BACH2: variants seen among roughly 807,000 people sequenced by gnomAD.
BACH2 encodes BACH transcriptional regulator 2.
Under a neutral mutation model 61.8 loss-of-function variants are expected in BACH2, and 5 were observed. That is an observed-to-expected ratio of 0.08 (90% CI 0.04 to 0.17). BACH2 has a LOEUF of 0.17. Among genes scored for constraint, BACH2 ranks in the 10% least tolerant of loss-of-function variants. The pLI is 1.00. For synonymous variants in BACH2, 446 were observed against 440.1 expected (o/e 1.01, Z -0.17); for missense variants, 824 against 1,091.1 (o/e 0.76, Z 3.45).
At chr6:90,194,924 T>C (rs1183108079) in intron 4 of BACH2, among the ~76,000 whole-genome samples, 1 of 152,180 alleles carries the variant, frequency 6.6e-6, no homozygotes, top group Non-Finnish European at 1.5e-5. Context: ...AGAGAAAAAC[T>C]GTAGTAAAGA....
intron 6 of BACH2, among the ~76,000 whole-genome samples, chr6:89,989,755 G>A (rs1281549967): frequency 1.3e-5 from 2 of 152,148 alleles, no homozygotes; most frequent in Non-Finnish European, 2.9e-5. Context: ...GCATCTTCCT[G>A]GGGGAGGAGG....
At chr6:90,092,494 C>T (rs1782213154) in intron 4 of BACH2, among the ~76,000 whole-genome samples, 1 of 151,872 alleles carries the variant, frequency 6.6e-6, no homozygotes. Flanking sequence ...TTCCCACTCA[C>T]AGTAGCTTTG....
At chr6:90,067,558 G>C (rs1384899986) in intron 5 of BACH2, among the ~76,000 whole-genome samples, 1 of 152,196 alleles carries the variant, frequency 6.6e-6, no homozygotes, top group Non-Finnish European at 1.5e-5. Context: ...GCAGGAGAGG[G>C]CATGTGAGAG....
rs3798789 is a variant in BACH2 at position 89,932,639 on chromosome 6, G to A, written c.2295C>T (p.Asn765=). The change falls in exon 9 of 9, where the codon AAC becomes AAT. Residue 765 remains asparagine (N), a synonymous_variant. Coordinates refer to ENST00000257749, the MANE Select transcript of BACH2 (RefSeq NM_021813.4). ...CGCCTGGCTCCAAGCAGCAGGGCAC[G>A]TTTTCCCCCACTGCGCATTGGGAGG... ...IAASQCAVGE[N]VPCCLEPGAA... The A allele has an allele frequency of 0.11, 175,880 of 1,613,874 alleles. 10,287 individuals carry two copies. Among genetic ancestry groups the A allele is most frequent in the Middle Eastern group, 0.16 (963 of 6,048 alleles).
At chr6:90,087,500 A>G (rs1781985435) in intron 5 of BACH2, among the ~76,000 whole-genome samples, 1 of 152,204 alleles carries the variant, frequency 6.6e-6, no homozygotes, top group Non-Finnish European at 1.5e-5. Context: ...GTATGCTTAC[A>G]TGTGTCCAAA....
At chr6:90,208,708 T>C (rs1337203734) in intron 3 of BACH2, among the ~76,000 whole-genome samples, 2 of 152,346 alleles carry the variant, frequency 1.3e-5, no homozygotes, top group Non-Finnish European at 2.9e-5. Context: ...ACTGGGTATA[T>C]ACCCAAAGGA....
chr6:89,951,472 C>T lies in BACH2; in HGVS notation c.634G>A (p.Val212Met), dbSNP rs761408916. 9 of 1,614,100 alleles carry T rather than the reference C, an allele frequency of 5.6e-6. No individual in the cohort carries two copies. Among genetic ancestry groups the T allele is most frequent in the East Asian group, 4.5e-5 (2 of 44,896 alleles). ...GAGCTCTCCTTGGTGTCTGTGGGCA[C>T]GTCAGGCTCGGGCAGCAGGGCTTCT... Reference protein sequence around the residue: ...KEEALLPEPDVPTDTKESSEK... With the variant: ...KEEALLPEPDMPTDTKESSEK... Residue 212 changes from valine (V) to methionine (M), a missense_variant, in exon 7 of 9, where the codon GTG becomes ATG. Transcript: ENST00000257749. The surrounding 1 kb of genome is among the most constrained non-coding windows in gnomAD (Gnocchi z 6.4).
At chr6:89,995,227 C>T (rs1158808700) in intron 6 of BACH2, among the ~76,000 whole-genome samples, 1 of 151,992 alleles carries the variant, frequency 6.6e-6, no homozygotes, top group African/African-American at 2.4e-5. Context: ...TGTAGAATTA[C>T]CCTCACCCTC....
At position 89,986,320 on chromosome 6, in the gene BACH2, C is replaced by T. The variant is rs1435265256; in HGVS notation, c.243+22282G>A. Among the ~76,000 whole-genome samples, 4 of 151,848 alleles carry T rather than the reference C, an allele frequency of 2.6e-5. No individual in the cohort carries two copies. In the East Asian group the frequency reaches 7.7e-4, roughly 29 times the overall value. ...GGGACGCTGGCCCTGGATCGCTGGC[C>T]TTGCCTGAAAGAGGCTGCCTCCTAC... On this transcript the variant is annotated intron_variant, in intron 6 of 8. Coordinates refer to ENST00000257749, the MANE Select transcript of BACH2 (RefSeq NM_021813.4).
chr6:90,032,108 G>A (rs1318778563), intron 5 of BACH2, among the ~76,000 whole-genome samples: 1 of 151,990 alleles, frequency 6.6e-6, no homozygotes, highest in Non-Finnish European at 1.5e-5. Context: ...AATGGGGAAA[G>A]GATTCCCTAT....
At chr6:90,036,482 A>C (rs1779269147) in intron 5 of BACH2, among the ~76,000 whole-genome samples, 1 of 152,158 alleles carries the variant, frequency 6.6e-6, no homozygotes, top group South Asian at 2.1e-4. Context: ...TATTATGAAC[A>C]ATTTCAAATT....
At chr6:90,011,022 T>G (rs955761834) in intron 5 of BACH2, among the ~76,000 whole-genome samples, 5 of 152,202 alleles carry the variant, frequency 3.3e-5, no homozygotes, top group Admixed American at 2.0e-4. Context: ...TTTTTCCCAG[T>G]CTGTAGCTTG....
chr6:90,286,837 G>A (rs1772032784), intron 1 of BACH2, among the ~76,000 whole-genome samples: 1 of 152,004 alleles, frequency 6.6e-6, no homozygotes, highest in Non-Finnish European at 1.5e-5. Context: ...AAAAAATTGA[G>A]ACTTGGAAAA....
intron 5 of BACH2, among the ~76,000 whole-genome samples, chr6:90,046,728 T>C (rs941214914): frequency 1.3e-5 from 2 of 152,036 alleles, no homozygotes; most frequent in East Asian, 3.9e-4. Flanking sequence ...CACAGACCTA[T>C]AGAGACGCTT....
intron 8 of BACH2, among the ~76,000 whole-genome samples, chr6:89,935,686 G>A (rs901149068): frequency 2.6e-5 from 4 of 152,214 alleles, no homozygotes; most frequent in African/African-American, 7.2e-5. Context: ...CTAGCAAAGC[G>A]CTTTAGATAT....
intron 5 of BACH2, among the ~76,000 whole-genome samples, chr6:90,027,290 T>A (rs983242932): frequency 1.3e-5 from 2 of 152,170 alleles, no homozygotes; most frequent in Non-Finnish European, 2.9e-5. Context: ...CAAGTCCCTG[T>A]CCTGTCCTTG....
At chr6:90,136,265 T>C (rs1784267928) in intron 4 of BACH2, among the ~76,000 whole-genome samples, 1 of 152,198 alleles carries the variant, frequency 6.6e-6, no homozygotes, top group African/African-American at 2.4e-5. Flanking sequence ...GTCAGTTCTA[T>C]TATGGATAAA....
intron 8 of BACH2, among the ~76,000 whole-genome samples, chr6:89,933,269 AT>A (rs1388753013): frequency 6.6e-6 from 1 of 152,140 alleles, no homozygotes; most frequent in Non-Finnish European, 1.5e-5. Flanking sequence ...TCTCCCCCAA[AT>A]GTATCAGGTT....
intron 3 of BACH2, among the ~76,000 whole-genome samples, chr6:90,231,285 A>C (rs1306717715): frequency 6.6e-6 from 1 of 152,238 alleles, no homozygotes; most frequent in Non-Finnish European, 1.5e-5. Flanking sequence ...TATCAAGGAC[A>C]GGAAATCCTG....
Sources: gnomAD v4.1 joint callset for allele counts (sites outside exome capture counted in the v4.1 genomes callset) on GRCh38, gnomAD v4.1.1 for gene constraint, Gnocchi (gnomAD v3.1) non-coding constraint, MANE v1.5 for transcripts, NCBI Gene and HGNC (gene_info 2026-07-23, HGNC 2026-07-21) for gene names.